Variants in HUWE1 observed in about 807,000 individuals in gnomAD.
HUWE1 encodes the protein HECT, UBA and WWE domain containing E3 ubiquitin protein ligase 1, also known as E3 ubiquitin-protein ligase HUWE1.
HUWE1 carries 18 observed loss-of-function variants against 299.4 expected under a neutral mutation model. The observed-to-expected ratio is 0.06, with a 90% confidence interval of 0.04 to 0.09. HUWE1 has a LOEUF of 0.09. Among genes scored for constraint, HUWE1 ranks in the 10% least tolerant of loss-of-function variants. The probability of loss-of-function intolerance (pLI) is 1.00; values close to 1 mark genes in which losing one functional copy is unlikely to be tolerated. For missense variants in HUWE1, 1,832 were observed against 3,462.3 expected (o/e 0.53, Z 11.82); for synonymous variants, 1,317 against 1,286.1 (o/e 1.02, Z -0.51).
intron 19 of HUWE1, among the ~76,000 whole-genome samples, chrX:53,622,254 T>C (rs1341973543): frequency 9.0e-6 from 1 of 111,379 alleles, no homozygotes; most frequent in East Asian, 2.8e-4. Context: ...GTTTGCCCCC[T>C]AGAAACTCCA....
At chrX:53,622,531 G>A (rs1858002) in intron 19 of HUWE1, among the ~76,000 whole-genome samples, 44,606 of 110,148 alleles carry the variant, frequency 0.4, 8,034 homozygotes, top group Non-Finnish European at 0.54. Context: ...TTCCAATTCT[G>A]TAACACAGAC....
rs782100021 is a variant in HUWE1 at position 53,648,192 on chromosome X, G to C, written c.144+20C>G. ...ATTAGTATGGTGAGTCCTGTCTTTT[G>C]GGAGCTTGACTTCACATACCTTTCC... On this transcript the variant is annotated intron_variant, in intron 5 of 83. Transcript: ENST00000262854. 9.4e-7 allele frequency: 1 copy of C among 1,060,894 alleles called. No individual in the cohort carries two copies. Among genetic ancestry groups the C allele is most frequent in the East Asian group, 3.0e-5 (1 of 33,210 alleles). The allele number at this position is 1,060,894 out of a possible 1,213,427, so 87.4% of individuals were successfully genotyped here.
intron 47 of HUWE1, among the ~76,000 whole-genome samples, chrX:53,571,100 C>A (rs2062805350): frequency 1.8e-5 from 2 of 112,062 alleles, no homozygotes; most frequent in Non-Finnish European, 3.8e-5. Flanking sequence ...CTCTTTGAGC[C>A]TTCTCTCCTC....
chrX:53,681,085 T>A (rs1418818893), intron 2 of HUWE1, among the ~76,000 whole-genome samples: 1 of 111,013 alleles, frequency 9.0e-6, no homozygotes, highest in Non-Finnish European at 1.9e-5. Context: ...GTGCTTGTAT[T>A]AAAGGGTTGT....
At chrX:53,591,341 C>T (rs1171869372) in intron 33 of HUWE1, among the ~76,000 whole-genome samples, 1 of 111,220 alleles carries the variant, frequency 9.0e-6, no homozygotes, top group Non-Finnish European at 1.9e-5. Flanking sequence ...AGAAGATTCT[C>T]GATTTCATCC....
At chrX:53,584,416 C>T in intron 40 of HUWE1, 71 bp from the exon 41 acceptor site, 2 of 876,032 alleles carry the variant, frequency 2.3e-6, no homozygotes, top group South Asian at 4.2e-5. Context: ...AGGGGAGGGA[C>T]ATCTCCCAGG....
At chrX:53,564,507 C>CA in intron 51 of HUWE1, 67 bp downstream of exon 51, 1 of 1,168,277 alleles carries the variant, frequency 8.6e-7, no homozygotes, top group Non-Finnish European at 1.2e-6. Context: ...CTCACCCACC[C>CA]ACACCACCTG....
In HUWE1 at chrX:53,573,732, A is replaced by G; in HGVS notation, c.6312+18T>C. ...GGAAGTACAGTGTAACATCTTAAATAGAAGTTGGAAATATTACCTCTTTGA... is the reference window on the plus strand; with the variant it reads ...GGAAGTACAGTGTAACATCTTAAATGGAAGTTGGAAATATTACCTCTTTGA... On this transcript the variant is annotated intron_variant, in intron 47 of 83. Transcript: ENST00000262854. The G allele has an allele frequency of 8.7e-7, 1 of 1,151,450 alleles. No individual in the cohort carries two copies. The highest frequency in any genetic ancestry group is 1.2e-6 in the Non-Finnish European group (1 of 840,205). 94.9% of individuals were successfully genotyped at this position (1,151,450 alleles called of 1,213,427 possible). A position where few individuals can be genotyped will look rare whatever the true frequency, so the allele number is the denominator to read the frequency against.
Position 53,549,280 on chromosome X carries a change from T to A in HUWE1, c.9714A>T (p.Leu3238=). ...SILQRSSESE[L]CIETPKLTTS... is the part of the protein sequence containing the mutation. The stretch of plus-strand genomic sequence containing the variant: ...TAGTGAGTTTGGGTGTTTCAATGCA[T>A]AGCTCACTCTCACTGCTGCGCTGCA... The change falls in exon 67 of 84, where the codon CTA becomes CTT. Residue 3238 remains leucine (L), a synonymous_variant. Coordinates refer to ENST00000262854, the MANE Select transcript of HUWE1 (RefSeq NM_031407.7). 1.7e-6 allele frequency: 2 copies of A among 1,211,696 alleles called. No homozygotes were observed. The highest frequency in any genetic ancestry group is 3.0e-5 in the East Asian group (1 of 33,841).
intron 23 of HUWE1, among the ~76,000 whole-genome samples, chrX:53,613,899 A>G (rs1014997136): frequency 1.8e-5 from 2 of 112,168 alleles, no homozygotes; most frequent in African/African-American, 6.5e-5. Context: ...AAGGGAAAAT[A>G]AGGTCTCTGT....
intron 63 of HUWE1, 78 bp from the exon 64 acceptor site, chrX:53,551,558 C>A (rs2061764255): frequency 1.1e-6 from 1 of 946,045 alleles, no homozygotes; most frequent in Non-Finnish European, 1.5e-6. Flanking sequence ...GTTGCCCAGG[C>A]TGGAGTGTAG....
At chrX:53,577,113 C>T (rs1556959533) in intron 43 of HUWE1, 46 bp from the exon 44 acceptor site, 2 of 997,395 alleles carry the variant, frequency 2.0e-6, no homozygotes, top group South Asian at 1.9e-5. Context: ...TGAAGCAGTA[C>T]CTAAACTAGG....
At chrX:53,541,705 G>C (rs1556918667) in intron 74 of HUWE1, among the ~76,000 whole-genome samples, 1 of 110,214 alleles carries the variant, frequency 9.1e-6, no homozygotes, top group Non-Finnish European at 1.9e-5. Flanking sequence ...TTTCTACAAA[G>C]ATAAAAAAAA....
intron 25 of HUWE1, among the ~76,000 whole-genome samples, chrX:53,607,319 G>C (rs1556997593): frequency 9.0e-6 from 1 of 111,730 alleles, no homozygotes; most frequent in African/African-American, 3.3e-5. Context: ...CCCAACCGAT[G>C]AACAAAGAAA....
At chrX:53,559,663 C>T (rs1835987462) in intron 56 of HUWE1, 131 bp from the exon 57 acceptor site, 1 of 589,568 alleles carries the variant, frequency 1.7e-6, no homozygotes, top group African/African-American at 2.2e-5. Flanking sequence ...GATGTGCACA[C>T]AAGTCTAAGT....
At chrX:53,565,550 T>G (rs1036742651) in intron 49 of HUWE1, among the ~76,000 whole-genome samples, 7 of 107,551 alleles carry the variant, frequency 6.5e-5, no homozygotes, top group Non-Finnish European at 9.9e-5. Flanking sequence ...ACTTCTCGGA[T>G]GTACTCAGGA....
chrX:53,647,831 G>A (rs1356508726), intron 5 of HUWE1, among the ~76,000 whole-genome samples: 1 of 112,029 alleles, frequency 8.9e-6, no homozygotes, highest in Non-Finnish European at 1.9e-5. Context: ...GAGAACTCCG[G>A]TTACATTCTA....
At chrX:53,575,365 T>C in intron 45 of HUWE1, 144 bp from the exon 46 acceptor site, 2 of 526,200 alleles carry the variant, frequency 3.8e-6, no homozygotes, top group Non-Finnish European at 6.7e-6. Flanking sequence ...CTTTATACTA[T>C]AATCTGTGGG....
intron 7 of HUWE1, among the ~76,000 whole-genome samples, chrX:53,644,277 T>C (rs2067818402): frequency 1.8e-5 from 2 of 112,578 alleles, no homozygotes; most frequent in Non-Finnish European, 3.8e-5. Flanking sequence ...TTATGACTTC[T>C]GGTAGGTAAC....
Sources: allele counts gnomAD v4.1 joint callset (sites outside exome capture counted in the v4.1 genomes callset), GRCh38; gene constraint gnomAD v4.1.1; transcripts MANE v1.5; gene names NCBI Gene and HGNC (gene_info 2026-07-23, HGNC 2026-07-21).